The following ZKSCAN5 variants were observed in gnomAD, a reference collection of about 807,000 sequenced individuals.
ZKSCAN5 encodes zinc finger protein with KRAB and SCAN domains 5.
Under a neutral mutation model 60.0 loss-of-function variants are expected in ZKSCAN5, and 28 were observed. The ratio of observed to expected loss-of-function variants is 0.47; its 90% CI spans 0.35 to 0.64. The LOEUF is 0.64. Among genes scored for constraint, ZKSCAN5 ranks in the 30% least tolerant of loss-of-function variants. ZKSCAN5 has a pLI of 0.01. For synonymous variants in ZKSCAN5, 361 were observed against 371.2 expected (o/e 0.97, Z 0.31); for missense variants, 881 against 1,034.6 (o/e 0.85, Z 2.04).
At chr7:99,507,368 CTT>C (rs1360595262) in intron 2 of ZKSCAN5, among the ~76,000 whole-genome samples, 9 of 151,626 alleles carry the variant, frequency 5.9e-5, no homozygotes, top group Non-Finnish European at 1.3e-4. Context: ...TTATAACAAA[CTT>C]TGCTGCAATG....
At chr7:99,516,388 C>T (rs1409125733) in intron 3 of ZKSCAN5, among the ~76,000 whole-genome samples, 3 of 152,124 alleles carry the variant, frequency 2.0e-5, no homozygotes, top group African/African-American at 7.2e-5. Flanking sequence ...CAGTCTTTAG[C>T]CACTCCCGGT....
At chr7:99,520,386 G>A (rs1024301939) in intron 5 of ZKSCAN5, 82 bp downstream of exon 5, 65 of 1,449,020 alleles carry the variant, frequency 4.5e-5, no homozygotes, top group Non-Finnish European at 5.3e-5. Context: ...ATCTTATAAT[G>A]GCATTTATGT....
intron 6 of ZKSCAN5, among the ~76,000 whole-genome samples, chr7:99,529,719 A>G (rs1319670677): frequency 6.6e-6 from 1 of 152,022 alleles, no homozygotes; most frequent in East Asian, 1.9e-4. Flanking sequence ...CATCCATGCC[A>G]ACATCTATTG....
In ZKSCAN5 at chr7:99,515,718, C is replaced by T. The variant is rs923421368; in HGVS notation, c.553+3127C>T. 2.0e-5 allele frequency among the ~76,000 whole-genome samples: 3 copies of T among 151,724 alleles called. No individual in the cohort carries two copies. The East Asian group carries it at 5.8e-4, about 29-fold the overall frequency. On this transcript the variant is annotated intron_variant, in intron 3 of 6. Transcript: ENST00000326775. ...GGCATGGTGGCAGGCGCCTGTAGTA[C>T]TGCTCCTTGGGAGTCTGAGGCAGGA... is the stretch of plus-strand genomic sequence containing the variant.
At chr7:99,515,817 A>G (rs1490365444) in intron 3 of ZKSCAN5, among the ~76,000 whole-genome samples, 12 of 151,180 alleles carry the variant, frequency 7.9e-5, no homozygotes, top group Non-Finnish European at 1.3e-4. Flanking sequence ...CTGGGCGACA[A>G]AGCAAGACTC....
rs1175798277 is a variant in ZKSCAN5, at chr7:99,531,772, G to C, written c.2043G>C (p.Val681=). Reference sequence around the variant, plus strand: ...ACGTTAGCCTAATTGAACATCAGGTGCTCCACATGGGTCAGAAAAATGAAA... The same window carrying C: ...ACGTTAGCCTAATTGAACATCAGGTCCTCCACATGGGTCAGAAAAATGAAA... ...FQYVSLIEHQ[V]LHMGQKNEKN... The change falls in exon 7 of 7, where the codon GTG becomes GTC. Residue 681 remains valine, a synonymous_variant. Coordinates refer to ENST00000326775, the MANE Select transcript of ZKSCAN5 (RefSeq NM_145102.4). 1 of 1,614,012 alleles carries C rather than the reference G, an allele frequency of 6.2e-7. No individual in the cohort carries two copies. The highest frequency in any genetic ancestry group is 1.3e-5 in the African/African-American group (1 of 74,908).
Position 99,531,693 on chromosome 7 carries a change from A to G in ZKSCAN5, c.1964A>G (p.His655Arg), listed in dbSNP as rs1330948405. The G allele has an allele frequency of 6.2e-7, 1 of 1,614,038 alleles. No homozygotes were observed. Among genetic ancestry groups the G allele is most frequent in the Non-Finnish European group, 8.5e-7 (1 of 1,180,004 alleles). ...RSHLAGHLRL[H>R]SREKSHQCRE... ...CACCTGGCTGGACATCTTCGACTCC[A>G]CTCCCGAGAGAAATCCCATCAGTGT... The change falls in exon 7 of 7, where the codon CAC becomes CGC. Residue 655 changes from histidine (H) to arginine (R), a missense_variant. Physicochemically the swap from His to Arg is conservative, Grantham distance 29 (BLOSUM62 0). This residue lies in a region of ZKSCAN5 where 112 missense variants were observed against 182.4 expected (regional missense o/e 0.61). Transcript: ENST00000326775.
At chr7:99,514,436 A>G (rs1365680350) in intron 3 of ZKSCAN5, among the ~76,000 whole-genome samples, 1 of 152,220 alleles carries the variant, frequency 6.6e-6, no homozygotes, top group Non-Finnish European at 1.5e-5. Flanking sequence ...AAAATTTGGA[A>G]TTCTCAACCG....
chr7:99,507,497 ATG>A (rs976058806), intron 2 of ZKSCAN5, among the ~76,000 whole-genome samples: 2 of 146,014 alleles, frequency 1.4e-5, no homozygotes, highest in Non-Finnish European at 1.5e-5. Context: ...ATATGTATAT[ATG>A]TGTATATATA....
rs1802154340 is a variant in ZKSCAN5 at position 99,533,808 on chromosome 7, T to C, written c.*1559T>C. 2 of 395,140 alleles carry C rather than the reference T, an allele frequency of 5.1e-6. No individual in the cohort carries two copies. The highest frequency in any genetic ancestry group is 4.5e-6 in the Non-Finnish European group (1 of 224,574). The allele number at this position is 395,140 out of a possible 1,614,324, so 24.5% of individuals were successfully genotyped here. ...CCCTCAAAGGCGTTTCCCAAATAAA[T>C]CACACTGTCAATCACATGGTTCTGA... On this transcript the variant is annotated 3_prime_UTR_variant, in exon 7 of 7. Transcript: ENST00000326775.
intron 5 of ZKSCAN5, among the ~76,000 whole-genome samples, chr7:99,521,815 C>A (rs1045870401): frequency 6.6e-6 from 1 of 151,126 alleles, no homozygotes; most frequent in South Asian, 2.1e-4. Flanking sequence ...TTTCATGGGG[C>A]CTTTTAGCTC....
intron 2 of ZKSCAN5, among the ~76,000 whole-genome samples, chr7:99,509,624 G>A (rs1800929036): frequency 6.6e-6 from 1 of 151,826 alleles, no homozygotes; most frequent in Admixed American, 6.6e-5. Context: ...ACGCCACCAT[G>A]CCCGGCTAAT....
chr7:99,525,209 CG>C (rs1434788892), intron 5 of ZKSCAN5, among the ~76,000 whole-genome samples: 2 of 148,640 alleles, frequency 1.3e-5, no homozygotes, highest in Non-Finnish European at 3.0e-5. Context: ...CGTTGGCTCA[CG>C]TCTGTAATCC....
intron 5 of ZKSCAN5, among the ~76,000 whole-genome samples, chr7:99,523,517 G>T (rs894114691): frequency 6.6e-6 from 1 of 152,114 alleles, no homozygotes; most frequent in Non-Finnish European, 1.5e-5. Flanking sequence ...GAGGTGGGAG[G>T]ATCGCTTCAA....
chr7:99,517,344 G>A (rs911768752), intron 3 of ZKSCAN5, among the ~76,000 whole-genome samples: 4 of 151,812 alleles, frequency 2.6e-5, no homozygotes, highest in South Asian at 2.1e-4. Flanking sequence ...GATTACAGGC[G>A]TGAGCCACTG....
chr7:99,510,697 G>GC (rs939755222), intron 2 of ZKSCAN5, among the ~76,000 whole-genome samples: 9 of 151,960 alleles, frequency 5.9e-5, no homozygotes, highest in Non-Finnish European at 1.3e-4. Context: ...GCCCGCCTCG[G>GC]CCCCCCAAAG....
intron 2 of ZKSCAN5, among the ~76,000 whole-genome samples, chr7:99,509,988 A>G (rs142745102): frequency 0.013 from 1,916 of 152,254 alleles, 38 homozygotes; most frequent in African/African-American, 0.044. Flanking sequence ...TCCGTTGTCC[A>G]GGCTGGAGTG....
intron 5 of ZKSCAN5, among the ~76,000 whole-genome samples, chr7:99,524,056 C>T (rs1584194418): frequency 6.6e-6 from 1 of 150,590 alleles, no homozygotes; most frequent in African/African-American, 2.4e-5. Context: ...CTTAATAGGC[C>T]ATGATACTCC....
In ZKSCAN5 at chr7:99,532,372, T is replaced by C. The variant is rs1444738575; in HGVS notation, c.*123T>C. On this transcript the variant is annotated 3_prime_UTR_variant, in exon 7 of 7. Coordinates refer to ENST00000326775, the MANE Select transcript of ZKSCAN5 (RefSeq NM_145102.4). ...AACTCACAAATAGGTTGAAATCCTT[T>C]AGTTATAACTCAGCCTTTAGGAACA... 3.2e-6 allele frequency: 3 copies of C among 949,942 alleles called. No homozygotes were observed. Among genetic ancestry groups the C allele is most frequent in the Admixed American group, 3.1e-5 (1 of 32,126 alleles). 58.8% of individuals were successfully genotyped at this position (949,942 alleles called of 1,614,324 possible).
Sources: allele counts gnomAD v4.1 joint callset (sites outside exome capture counted in the v4.1 genomes callset), GRCh38; gene constraint gnomAD v4.1.1; regional missense constraint gnomAD v4.1.1; transcripts MANE v1.5; gene names NCBI Gene and HGNC (gene_info 2026-07-23, HGNC 2026-07-21).